Variants in CCDC102B observed in about 807,000 individuals in gnomAD.
CCDC102B encodes the protein coiled-coil domain containing 102B.
Under a neutral mutation model 57.4 loss-of-function variants are expected in CCDC102B, and 75 were observed. That is an observed-to-expected ratio of 1.31 (90% CI 1.08 to 1.58). The LOEUF (loss-of-function observed/expected upper bound fraction) is 1.58, where lower values mean the gene tolerates loss of function less well. Among genes scored for constraint, CCDC102B ranks in the 40% most tolerant of loss-of-function variants. CCDC102B has a pLI of 0.00. For missense variants in CCDC102B, 636 were observed against 582.6 expected (o/e 1.09, Z -0.94); for synonymous variants, 206 against 201.9 (o/e 1.02, Z -0.17).
intron 2 of CCDC102B, among the ~76,000 whole-genome samples, chr18:68,764,883 A>G (rs2034371762): frequency 6.7e-6 from 1 of 148,376 alleles, no homozygotes. Flanking sequence ...CCAAATAATA[A>G]TGATAAAAAA....
chr18:68,938,726 A>AT (rs2145161375), intron 6 of CCDC102B, among the ~76,000 whole-genome samples: 1 of 151,624 alleles, frequency 6.6e-6, no homozygotes, highest in South Asian at 2.1e-4. Flanking sequence ...ATTTTAATTT[A>AT]TTTTGGATAC....
chr18:69,026,934 G>A (rs2052009224), intron 7 of CCDC102B, among the ~76,000 whole-genome samples: 1 of 152,188 alleles, frequency 6.6e-6, no homozygotes, highest in Admixed American at 6.5e-5. Context: ...CTGGAAAAGT[G>A]GCCTGGGAGG....
intron 6 of CCDC102B, among the ~76,000 whole-genome samples, chr18:68,972,002 T>C (rs962983014): frequency 1.3e-5 from 2 of 152,144 alleles, no homozygotes; most frequent in African/African-American, 4.8e-5. Context: ...AATTAATGCC[T>C]AGTATCTCAG....
chr18:69,018,418 C>T (rs921279235), intron 7 of CCDC102B, among the ~76,000 whole-genome samples: 1 of 152,120 alleles, frequency 6.6e-6, no homozygotes. Flanking sequence ...TTTCTTTTCT[C>T]TACATCTTCA....
chr18:68,935,659 A>G (rs774705927), intron 6 of CCDC102B, among the ~76,000 whole-genome samples: 1 of 151,934 alleles, frequency 6.6e-6, no homozygotes, highest in Non-Finnish European at 1.5e-5. Context: ...CCAGATGAAC[A>G]CGAATTGATA....
At chr18:68,862,747 G>A (rs577425968) in intron 4 of CCDC102B, among the ~76,000 whole-genome samples, 1 of 152,174 alleles carries the variant, frequency 6.6e-6, no homozygotes, top group African/African-American at 2.4e-5. Flanking sequence ...TACTCTCCAA[G>A]TATGCCTATA....
chr18:68,768,100 G>A (rs566364374), intron 2 of CCDC102B, among the ~76,000 whole-genome samples: 4 of 152,184 alleles, frequency 2.6e-5, no homozygotes, highest in African/African-American at 9.6e-5. Flanking sequence ...ATAATGAATA[G>A]CATTACAAAT....
chr18:68,966,469 T>C (rs1317457055), intron 6 of CCDC102B, among the ~76,000 whole-genome samples: 1 of 152,138 alleles, frequency 6.6e-6, no homozygotes, highest in East Asian at 1.9e-4. Flanking sequence ...TTTTACTTTG[T>C]TATTGCTATG....
At position 68,880,879 on chromosome 18, in the gene CCDC102B, CTA is replaced by C. The variant is rs1332103576; in HGVS notation, c.1053+6096_1053+6097del. On this transcript the variant is annotated intron_variant, in intron 5 of 7. Transcript: ENST00000360242. Reference sequence around the variant, plus strand: ...TTTACCATATTGGTTTTTATTTTGACTATTGATCTGTTCAAGTTCAAAACAGC... The same window carrying C: ...TTTACCATATTGGTTTTTATTTTGACTTGATCTGTTCAAGTTCAAAACAGC... Among the ~76,000 whole-genome samples the C allele has an allele frequency of 3.3e-5, 5 of 152,226 alleles. No homozygotes were observed. In the East Asian group the frequency reaches 7.7e-4, roughly 23 times the overall value.
intron 6 of CCDC102B, chr18:68,902,149 A>AT (rs2040477674): frequency 1.3e-5 from 2 of 152,046 alleles, no homozygotes; most frequent in African/African-American, 4.8e-5. Flanking sequence ...TACCAGAGTT[A>AT]TTTTTCATCT....
At chr18:68,998,501 G>A (rs1038866671) in intron 6 of CCDC102B, among the ~76,000 whole-genome samples, 1 of 151,038 alleles carries the variant, frequency 6.6e-6, no homozygotes, top group Non-Finnish European at 1.5e-5. Flanking sequence ...ATAGGAAAGA[G>A]AGTATTGACT....
At chr18:68,906,329 G>T (rs1489991431) in intron 6 of CCDC102B, among the ~76,000 whole-genome samples, 1 of 152,072 alleles carries the variant, frequency 6.6e-6, no homozygotes, top group Non-Finnish European at 1.5e-5. Context: ...GTTATTTGGG[G>T]TATATATCTA....
chr18:68,943,268 T>C (rs2145174579), intron 6 of CCDC102B, among the ~76,000 whole-genome samples: 1 of 152,262 alleles, frequency 6.6e-6, no homozygotes, highest in East Asian at 1.9e-4. Context: ...TTATTTTTTG[T>C]TCTTACTCAT....
At chr18:69,053,757 A>G (rs1267593397) in intron 7 of CCDC102B, among the ~76,000 whole-genome samples, 1 of 151,936 alleles carries the variant, frequency 6.6e-6, no homozygotes, top group African/African-American at 2.4e-5. Context: ...CATGTTTTTC[A>G]ATTTAAATTT....
chr18:68,976,287 CTG>C (rs1469263306), intron 6 of CCDC102B, among the ~76,000 whole-genome samples: 2 of 151,814 alleles, frequency 1.3e-5, no homozygotes, highest in African/African-American at 2.4e-5. Context: ...TGAATAGTAA[CTG>C]GTTATCTTAA....
intron 5 of CCDC102B, among the ~76,000 whole-genome samples, chr18:68,883,775 G>A (rs895262158): frequency 2.6e-5 from 4 of 152,128 alleles, no homozygotes; most frequent in African/African-American, 9.7e-5. Flanking sequence ...CAAAAGAGTG[G>A]AACATTTCTC....
chr18:69,034,726 A>G (rs1335306430), intron 7 of CCDC102B, among the ~76,000 whole-genome samples: 1 of 151,422 alleles, frequency 6.6e-6, no homozygotes, highest in Non-Finnish European at 1.5e-5. Flanking sequence ...TTATTATTAT[A>G]AAGACACCCC....
intron 1 of CCDC102B, among the ~76,000 whole-genome samples, chr18:68,810,738 C>T (rs529254115): frequency 2.2e-4 from 28 of 125,644 alleles, no homozygotes; most frequent in Non-Finnish European, 3.3e-4. Context: ...CATGGCAGAA[C>T]GTGCAGGTTT....
intron 6 of CCDC102B, among the ~76,000 whole-genome samples, chr18:68,930,917 CT>C (rs755236746): frequency 1.1e-3 from 158 of 149,348 alleles, no homozygotes; most frequent in African/African-American, 3.6e-3. Context: ...AACACATACA[CT>C]TTTTTTTTTC....
Sources: gnomAD v4.1 joint callset for allele counts (sites outside exome capture counted in the v4.1 genomes callset) on GRCh38, gnomAD v4.1.1 for gene constraint, MANE v1.5 for transcripts, NCBI Gene and HGNC (gene_info 2026-07-23, HGNC 2026-07-21) for gene names.